Variants in UBE3D observed in about 807,000 individuals in gnomAD.
UBE3D encodes the protein ubiquitin protein ligase E3D.
In UBE3D, 48 loss-of-function variants were observed where a neutral mutation model predicts 49.6. The ratio of observed to expected loss-of-function variants is 0.97; its 90% CI spans 0.77 to 1.23. The LOEUF is 1.23. Among genes scored for constraint, UBE3D ranks in the 50% most tolerant of loss-of-function variants. The pLI is 0.00. For synonymous variants in UBE3D, 189 were observed against 174.2 expected (o/e 1.08, Z -0.67); for missense variants, 452 against 468.4 (o/e 0.96, Z 0.32).
intron 8 of UBE3D, among the ~76,000 whole-genome samples, chr6:82,971,606 T>C (rs997927372): frequency 2.6e-5 from 4 of 152,114 alleles, no homozygotes; most frequent in Admixed American, 1.3e-4. Flanking sequence ...TTTTAAAATA[T>C]TGAGACAGGG....
At chr6:83,003,671 A>G (rs528940076) in intron 8 of UBE3D, among the ~76,000 whole-genome samples, 10 of 152,204 alleles carry the variant, frequency 6.6e-5, no homozygotes, top group Non-Finnish European at 1.3e-4. Flanking sequence ...ACTGCATTGA[A>G]TACTGTAGGC....
chr6:83,022,579 A>T lies in UBE3D; in HGVS notation c.738-18T>A, dbSNP rs748311862. Reference sequence around the variant, plus strand: ...ACCAAGACCTGTTTGAACAGAAATCAATTTTTACAATGTGTATCTCATAAT... The same window carrying T: ...ACCAAGACCTGTTTGAACAGAAATCTATTTTTACAATGTGTATCTCATAAT... On this transcript the variant is annotated intron_variant, in intron 6 of 9. Transcript: ENST00000369747. 2.6e-6 allele frequency: 4 copies of T among 1,540,526 alleles called. No individual in the cohort carries two copies. The highest frequency in any genetic ancestry group is 1.2e-5 in the South Asian group (1 of 80,700).
intron 8 of UBE3D, among the ~76,000 whole-genome samples, chr6:82,975,149 C>T (rs760168369): frequency 6.6e-6 from 1 of 152,098 alleles, no homozygotes; most frequent in Non-Finnish European, 1.5e-5. Flanking sequence ...GAGTTCATCT[C>T]TTTATTAAGA....
chr6:82,951,542 G>C (rs889538779), intron 9 of UBE3D, among the ~76,000 whole-genome samples: 1 of 152,180 alleles, frequency 6.6e-6, no homozygotes, highest in Non-Finnish European at 1.5e-5. Flanking sequence ...TTCTCAGTGA[G>C]AGTCAATCCT....
chr6:83,033,878 C>A (rs1186280505), intron 5 of UBE3D, among the ~76,000 whole-genome samples: 1 of 152,186 alleles, frequency 6.6e-6, no homozygotes, highest in Non-Finnish European at 1.5e-5. Flanking sequence ...TACCCTAAAC[C>A]AAACCCACCA....
At chr6:82,935,833 A>G (rs1007539836) in intron 9 of UBE3D, among the ~76,000 whole-genome samples, 4 of 152,208 alleles carry the variant, frequency 2.6e-5, no homozygotes, top group African/African-American at 9.6e-5. Context: ...GACTGTGAAC[A>G]AAATGAAGAC....
chr6:82,952,911 C>T (rs1056386642), intron 9 of UBE3D, among the ~76,000 whole-genome samples: 4 of 152,158 alleles, frequency 2.6e-5, no homozygotes, highest in Non-Finnish European at 5.9e-5. Flanking sequence ...TTGCAATAGG[C>T]CAGGATTCTA....
At chr6:82,918,294 A>C (rs1056161994) in intron 9 of UBE3D, among the ~76,000 whole-genome samples, 21 of 152,040 alleles carry the variant, frequency 1.4e-4, no homozygotes, top group African/African-American at 3.9e-4. Context: ...CAACAACAAA[A>C]AAAAAACAAA....
At chr6:82,983,574 G>T (rs1255774821) in intron 8 of UBE3D, among the ~76,000 whole-genome samples, 2 of 151,908 alleles carry the variant, frequency 1.3e-5, no homozygotes, top group African/African-American at 4.8e-5. Context: ...TAAATTATGT[G>T]CTCATTTTAA....
At chr6:82,901,592 C>T (rs1011951181) in intron 9 of UBE3D, among the ~76,000 whole-genome samples, 3 of 152,102 alleles carry the variant, frequency 2.0e-5, no homozygotes, top group East Asian at 1.9e-4. Flanking sequence ...AAACCATCCT[C>T]GAGAAGGGAA....
chr6:83,002,724 C>G (rs1268802184), intron 8 of UBE3D, among the ~76,000 whole-genome samples: 2 of 152,172 alleles, frequency 1.3e-5, no homozygotes, highest in Non-Finnish European at 2.9e-5. Flanking sequence ...TAGCTGGGCC[C>G]TTTTGGCCTT....
Position 82,957,331 on chromosome 6 carries a change from C to A in UBE3D, c.1130G>T (p.Arg377Leu), listed in dbSNP as rs773185446. 1 of 1,613,664 alleles carries A rather than the reference C, an allele frequency of 6.2e-7. No homozygotes were observed. The highest frequency in any genetic ancestry group is 8.5e-7 in the Non-Finnish European group (1 of 1,179,922). The change falls in exon 9 of 10, where the codon CGC (arginine) becomes CTC (leucine). Residue 377 changes from arginine (R) to leucine (L), a missense_variant. Physicochemically the swap from Arg to Leu is moderately radical, Grantham distance 102. Coordinates refer to ENST00000369747, the MANE Select transcript of UBE3D (RefSeq NM_198920.3). ...KSNANLPSSL[R>L]RVNSFQVAFL... ...GCTCACCTGAAAGGAATTCACACGG[C>A]GAAGGGATGAAGGCAGATTGGCATT... is the stretch of plus-strand genomic sequence containing the variant.
chr6:82,926,924 A>T (rs893169291), intron 9 of UBE3D, among the ~76,000 whole-genome samples: 1 of 152,074 alleles, frequency 6.6e-6, no homozygotes, highest in African/African-American at 2.4e-5. Flanking sequence ...AAAAGTCATC[A>T]TCAGATGCTA....
intron 8 of UBE3D, among the ~76,000 whole-genome samples, chr6:83,007,346 G>C (rs1036225148): frequency 8.6e-5 from 13 of 152,022 alleles, no homozygotes; most frequent in African/African-American, 3.1e-4. Context: ...CAAAAAGGTG[G>C]GAAGAACCAC....
chr6:83,018,494 C>T (rs1780848963), intron 8 of UBE3D: 1 of 157,460 alleles, frequency 6.4e-6, no homozygotes, highest in Non-Finnish European at 1.4e-5. Flanking sequence ...ATGGTACATA[C>T]CACACAGGTT....
intron 3 of UBE3D, among the ~76,000 whole-genome samples, chr6:83,048,219 G>A (rs965670325): frequency 6.6e-6 from 1 of 152,082 alleles, no homozygotes; most frequent in Non-Finnish European, 1.5e-5. Context: ...CAGGTAGGAT[G>A]GTGGCAAACT....
chr6:82,929,115 T>A (rs1407881060), intron 9 of UBE3D, among the ~76,000 whole-genome samples: 4 of 152,078 alleles, frequency 2.6e-5, no homozygotes. Flanking sequence ...AAATAATAAA[T>A]CTTTCTTCGG....
downstream of UBE3D, among the ~76,000 whole-genome samples, chr6:82,888,275 T>G (rs1380418954): frequency 1.3e-5 from 2 of 150,186 alleles, no homozygotes; most frequent in Non-Finnish European, 2.9e-5. Flanking sequence ...TGAAATTAAG[T>G]TAACCACTTG....
intron 9 of UBE3D, among the ~76,000 whole-genome samples, chr6:82,953,418 C>T (rs1401652829): frequency 3.9e-5 from 6 of 152,158 alleles, no homozygotes; most frequent in Admixed American, 1.3e-4. Context: ...ATGTGGATAC[C>T]CATCTGTGCT....
Sources: allele counts gnomAD v4.1 joint callset (sites outside exome capture counted in the v4.1 genomes callset), GRCh38; gene constraint gnomAD v4.1.1; transcripts MANE v1.5; gene names NCBI Gene and HGNC (gene_info 2026-07-23, HGNC 2026-07-21).